CECR2: variants seen among roughly 807,000 people sequenced by gnomAD.
The protein encoded by CECR2 is chromatin remodeling regulator CECR2.
CECR2 carries 30 observed loss-of-function variants against 154.5 expected under a neutral mutation model. The observed-to-expected ratio is 0.19, with a 90% CI of 0.15 to 0.26. The LOEUF (loss-of-function observed/expected upper bound fraction) is 0.26, where lower values mean the gene tolerates loss of function less well. Ranked by LOEUF, CECR2 falls within the 10% of genes least tolerant of loss-of-function variation. The pLI is 1.00. For missense variants in CECR2, 1,743 were observed against 1,829.3 expected (o/e 0.95, Z 0.86); for synonymous variants, 725 against 683.7 (o/e 1.06, Z -0.94).
chr22:17,479,765 CTTTTTTTTT>C (rs571664926), intron 2 of CECR2, among the ~76,000 whole-genome samples: 1 of 117,094 alleles, frequency 8.5e-6, no homozygotes, highest in South Asian at 2.8e-4. Flanking sequence ...TGTGGTCTTT[CTTTTTTTTT>C]TTTTTTTTTT....
intron 1 of CECR2, among the ~76,000 whole-genome samples, chr22:17,398,350 T>C (rs956025089): frequency 6.6e-6 from 1 of 151,916 alleles, no homozygotes; most frequent in African/African-American, 2.4e-5. Flanking sequence ...GATGGGAAAA[T>C]TAAATGAGGG....
At position 17,538,501 on chromosome 22, in the gene CECR2, C is replaced by T; in HGVS notation, c.1239-19C>T. The T allele has an allele frequency of 1.9e-6, 3 of 1,612,264 alleles. No homozygotes were observed. The highest frequency in any genetic ancestry group is 2.5e-6 in the Non-Finnish European group (3 of 1,178,364). ...AGGTGGTCAGAGTTACTATTAATTT[C>T]TTATTTTGTGATTTACAGCTTTGAG... On this transcript the variant is annotated intron_variant, in intron 10 of 18. Transcript: ENST00000262608.
At chr22:17,431,750 C>T (rs555219500) in intron 1 of CECR2, among the ~76,000 whole-genome samples, 3 of 145,510 alleles carry the variant, frequency 2.1e-5, no homozygotes, top group Non-Finnish European at 3.0e-5. Context: ...ACATCAAACA[C>T]GTTTTCTAGT....
At chr22:17,421,353 T>A (rs1027497345) in intron 1 of CECR2, among the ~76,000 whole-genome samples, 158 of 151,724 alleles carry the variant, frequency 1.0e-3, no homozygotes, top group African/African-American at 3.6e-3. Flanking sequence ...CGGTGGCTCA[T>A]GCCTGTAATC....
At chr22:17,546,403 G>T (rs1055146579) in intron 16 of CECR2, among the ~76,000 whole-genome samples, 1 of 149,188 alleles carries the variant, frequency 6.7e-6, no homozygotes, top group Non-Finnish European at 1.5e-5. Flanking sequence ...GGAGAATGGC[G>T]TGAACCCGGG....
At chr22:17,408,526 GACATCCGTA>G (rs1301384101) in intron 1 of CECR2, among the ~76,000 whole-genome samples, 1 of 151,996 alleles carries the variant, frequency 6.6e-6, no homozygotes, top group Non-Finnish European at 1.5e-5. Context: ...ATTTTTGTTG[GACATCCGTA>G]ACAACATTTT....
intron 2 of CECR2, among the ~76,000 whole-genome samples, chr22:17,481,825 A>C (rs2055324778): frequency 1.3e-5 from 2 of 152,190 alleles, no homozygotes; most frequent in Admixed American, 6.5e-5. Context: ...ATAAAGACCT[A>C]GCACTTACAG....
At chr22:17,389,041 T>C (rs772631405) in intron 1 of CECR2, among the ~76,000 whole-genome samples, 3 of 152,096 alleles carry the variant, frequency 2.0e-5, no homozygotes, top group Non-Finnish European at 2.9e-5. Context: ...TCGAACTCCC[T>C]GAATTCAAGT....
intron 6 of CECR2, 51 bp from the exon 7 acceptor site, chr22:17,504,796 G>T (rs2055807004): frequency 6.6e-7 from 1 of 1,508,980 alleles, no homozygotes; most frequent in East Asian, 2.3e-5. Context: ...AATAAATAAG[G>T]AAAGGTCCTC....
chr22:17,370,319 C>CA (rs1555898262), intron 1 of CECR2, among the ~76,000 whole-genome samples: 6 of 64,676 alleles, frequency 9.3e-5, no homozygotes, highest in African/African-American at 2.4e-4. Context: ...GGGCCGGGCG[C>CA]GGGGGGGGGG....
chr22:17,370,708 A>G (rs1208728460), intron 1 of CECR2, among the ~76,000 whole-genome samples: 1 of 152,082 alleles, frequency 6.6e-6, no homozygotes, highest in Non-Finnish European at 1.5e-5. Context: ...AACTGGGCCG[A>G]AACCCGAGGG....
intron 7 of CECR2, among the ~76,000 whole-genome samples, chr22:17,506,378 T>C (rs1296753): frequency 0.91 from 137,834 of 151,812 alleles, 62,701 homozygotes; most frequent in East Asian, 1. Flanking sequence ...CTTCCTGTCT[T>C]GGCCTCCCAA....
chr22:17,513,696 T>C (rs1357748357), intron 8 of CECR2, among the ~76,000 whole-genome samples: 2 of 152,186 alleles, frequency 1.3e-5, no homozygotes, highest in Non-Finnish European at 2.9e-5. Flanking sequence ...TATTCAGCCA[T>C]GTTCTCAAAT....
chr22:17,500,114 G>T (rs2055708131), intron 4 of CECR2, among the ~76,000 whole-genome samples: 1 of 151,640 alleles, frequency 6.6e-6, no homozygotes, highest in Non-Finnish European at 1.5e-5. Flanking sequence ...GGGAGGCTGA[G>T]GCAGGAGAAT....
At chr22:17,447,033 CTT>C (rs1555910503) in intron 1 of CECR2, among the ~76,000 whole-genome samples, 16 of 114,068 alleles carry the variant, frequency 1.4e-4, no homozygotes, top group East Asian at 5.9e-4. Flanking sequence ...CGTTTACAAT[CTT>C]TTTTTTTTTT....
Position 17,493,898 on chromosome 22 carries a change from T to C in CECR2, c.222-3505T>C, listed in dbSNP as rs576486813. Among the ~76,000 whole-genome samples, 15 of 152,322 alleles carry C rather than the reference T, an allele frequency of 9.8e-5. No individual in the cohort carries two copies. The South Asian group carries it at 2.9e-3, about 29-fold the overall frequency. On this transcript the variant is annotated intron_variant, in intron 2 of 18. Coordinates refer to ENST00000262608, the MANE Select transcript of CECR2 (RefSeq NM_001290047.2). ...CAGTGAAGCTGCTATTCTGGTGAAA[T>C]GATACAGATTTCACTGATTCCATGT...
At chr22:17,537,311 TC>T in intron 10 of CECR2, 79 bp downstream of exon 10, 2 of 1,526,834 alleles carry the variant, frequency 1.3e-6, no homozygotes. Flanking sequence ...CCCCATGTCA[TC>T]CTTAGAACAG....
intron 9 of CECR2, 116 bp downstream of exon 9, chr22:17,524,387 CTTTTT>C (rs200102476): frequency 2.9e-3 from 1,133 of 390,738 alleles, no homozygotes; most frequent in African/African-American, 7.8e-3. Flanking sequence ...CCGGCAATTT[CTTTTT>C]TTTTTTTTTT....
At chr22:17,498,298 G>A (rs1018273392) in intron 3 of CECR2, among the ~76,000 whole-genome samples, 2 of 152,112 alleles carry the variant, frequency 1.3e-5, no homozygotes, top group Admixed American at 1.3e-4. Context: ...GGCTGAGGCA[G>A]GAGAATGGCA....
Sources: gnomAD v4.1 joint callset for allele counts (sites outside exome capture counted in the v4.1 genomes callset) on GRCh38, gnomAD v4.1.1 for gene constraint, MANE v1.5 for transcripts, NCBI Gene and HGNC (gene_info 2026-07-23, HGNC 2026-07-21) for gene names.